Variants in TMEM198 observed in about 807,000 individuals in gnomAD.
The protein encoded by TMEM198 is transmembrane protein 198.
TMEM198 carries 21 observed loss-of-function variants against 31.5 expected under a neutral mutation model. The ratio of observed to expected loss-of-function variants is 0.67; its 90% CI spans 0.47 to 0.96. The LOEUF (loss-of-function observed/expected upper bound fraction) is 0.96, where lower values mean the gene tolerates loss of function less well. TMEM198 is among the 40% of genes least tolerant of loss of function. The pLI is 0.00. For missense variants in TMEM198, 447 were observed against 499.4 expected, an observed-to-expected ratio of 0.89 and a Z score of 1.00; for synonymous variants, 211 against 223.3, an observed-to-expected ratio of 0.95 and a Z score of 0.49.
Position 219,544,379 on chromosome 2 carries a change from T to C in TMEM198, c.-40+2T>C. The C allele has an allele frequency of 2.0e-6, 1 of 500,194 alleles. No homozygotes were observed. The highest frequency in any genetic ancestry group is 3.9e-6 in the Non-Finnish European group (1 of 254,060). 31.0% of individuals were successfully genotyped at this position (500,194 alleles called of 1,614,324 possible). A position where few individuals can be genotyped will look rare whatever the true frequency, so the allele number is the denominator to read the frequency against. Reference sequence around the variant, plus strand: ...AAGCTCAGGTCGCCTCCAGCCCAGGTAAATCTTGGACAATCCCATATTGAG... The same window carrying C: ...AAGCTCAGGTCGCCTCCAGCCCAGGCAAATCTTGGACAATCCCATATTGAG... On this transcript the variant is annotated splice_donor_variant, in intron 1 of 4. Transcript: ENST00000373883. LOFTEE classifies it low-confidence loss of function (5UTR_SPLICE).
At chr2:219,546,809 C>T (rs1209461934) in intron 2 of TMEM198, among the ~76,000 whole-genome samples, 3 of 136,364 alleles carry the variant, frequency 2.2e-5, no homozygotes, top group Non-Finnish European at 3.0e-5. Context: ...ACAAGAGTCT[C>T]GCTCTGTCAC....
Position 219,549,153 on chromosome 2 carries a change from G to A in TMEM198, c.744G>A (p.Val248=). 6.2e-7 allele frequency: 1 copy of A among 1,613,832 alleles called. No homozygotes were observed. The part of the protein sequence containing the change: ...VTAEGDSHTE[V]VISRQRRRVQ... ...CCTTCTCTACCCATCCCACCACAGT[G>A]GTCATCAGCCGGCAGCGCCGACGCG... The change falls in exon 4 of 5, where the codon GTG becomes GTA. Residue 248 remains valine (V), a splice_region_variant and synonymous_variant. Transcript: ENST00000373883.
At chr2:219,549,045 A>C (rs1375886026) in intron 3 of TMEM198, 107 bp from the exon 4 acceptor site, 5 of 1,277,872 alleles carry the variant, frequency 3.9e-6, no homozygotes, top group Non-Finnish European at 5.6e-6. Flanking sequence ...GGTTATGGAC[A>C]AGAGGAATCT....
upstream of TMEM198, chr2:219,543,812 G>A (rs1195398334): frequency 9.0e-6 from 4 of 445,454 alleles, no homozygotes; most frequent in African/African-American, 6.3e-5. Flanking sequence ...GTCACTGCAA[G>A]GGCCCCGCCC....
upstream of TMEM198, chr2:219,543,871 G>A: frequency 2.7e-6 from 1 of 370,556 alleles, no homozygotes; most frequent in South Asian, 3.0e-5. Context: ...GGAGAAGGGG[G>A]AGGTTAAAGG....
At position 219,544,760 on chromosome 2, in the gene TMEM198, G is replaced by C. The variant is rs746101130; in HGVS notation, c.33G>C (p.Gln11His). 6.2e-7 allele frequency: 1 copy of C among 1,614,124 alleles called. No homozygotes were observed. The highest frequency in any genetic ancestry group is 8.5e-7 in the Non-Finnish European group (1 of 1,180,022). Reference protein sequence around the residue: MPGTVATLRFQLLPPEPDDAF... With the variant: MPGTVATLRFHLLPPEPDDAF... ...GGACTGTGGCAACACTGCGGTTCCA[G>C]CTGCTGCCCCCTGAGCCAGATGATG... Residue 11 changes from glutamine to histidine, a missense_variant, in exon 2 of 5, where the codon CAG (glutamine) becomes CAC (histidine). By Grantham distance (24) the Gln-to-His change is conservative. Transcript: ENST00000373883.
Position 219,549,618 on chromosome 2 carries a change from C to T in TMEM198, c.946-99C>T, listed in dbSNP as rs139911369. The T allele has an allele frequency of 6.6e-4, 1,012 of 1,539,528 alleles. 2 individuals are homozygous for T. Among genetic ancestry groups the T allele is most frequent in the Non-Finnish European group, 8.1e-4 (916 of 1,132,348 alleles). The stretch of plus-strand genomic sequence containing the variant: ...AGGGCTGTGGACTCTGGGTCTATGG[C>T]AGTCTATAGAAGTGTCAGGCTTGTG... On this transcript the variant is annotated intron_variant, in intron 4 of 4. Transcript: ENST00000373883.
chr2:219,547,329 CCT>C (rs1225940923), intron 2 of TMEM198, 175 bp from the exon 3 acceptor site: 12 of 495,760 alleles, frequency 2.4e-5, no homozygotes, highest in East Asian at 1.5e-4. Flanking sequence ...TCTAACCTCC[CCT>C]GACCTCAATG....
Position 219,547,633 on chromosome 2 carries a change from C to A in TMEM198, c.294C>A (p.Ile98=). The part of the protein sequence containing the change: ...TQLSAGASAG[I]ALGIGLLCGL... ...TGAGTGCTGGGGCGAGCGCGGGCAT[C>A]GCTCTGGGCATCGGGCTGCTCTGCG... Residue 98 remains isoleucine, a synonymous_variant, in exon 3 of 5, where the codon ATC becomes ATA. Coordinates refer to ENST00000373883, the MANE Select transcript of TMEM198 (RefSeq NM_001005209.3). 6.6e-7 allele frequency: 1 copy of A among 1,515,750 alleles called. No homozygotes were observed. Among genetic ancestry groups the A allele is most frequent in the Non-Finnish European group, 8.8e-7 (1 of 1,130,744 alleles). The allele number at this position is 1,515,750 out of a possible 1,614,324, so 93.9% of individuals were successfully genotyped here.
In TMEM198 at chr2:219,549,742, G is replaced by C. The variant is rs756204037; in HGVS notation, c.971G>C (p.Arg324Pro). The change falls in exon 5 of 5, where the codon CGG (arginine) becomes CCG (proline). Residue 324 changes from arginine (R) to proline (P), a missense_variant. Transcript: ENST00000373883. The stretch of plus-strand genomic sequence containing the variant: ...AGCTATATCCAGAGCTTCCGAGACC[G>C]GCAGACCGGGAGCTCCCTGAGCTCC... The part of the protein sequence containing the change: ...SPSYIQSFRD[R>P]QTGSSLSSFM... The C allele has an allele frequency of 2.7e-5, 44 of 1,613,678 alleles. No homozygotes were observed. Among genetic ancestry groups the C allele is most frequent in the Non-Finnish European group, 3.7e-5 (44 of 1,179,940 alleles).
intron 3 of TMEM198, 49 bp from the exon 4 acceptor site, chr2:219,549,103 A>G: frequency 6.2e-7 from 1 of 1,606,780 alleles, no homozygotes; most frequent in Non-Finnish European, 8.5e-7. Flanking sequence ...GCTCAAGGGA[A>G]ACAAGGCGCA....
At chr2:219,549,596 G>A in intron 4 of TMEM198, 121 bp from the exon 5 acceptor site, 1 of 1,468,852 alleles carries the variant, frequency 6.8e-7, no homozygotes, top group Non-Finnish European at 9.3e-7. Context: ...GGGTCTCAGG[G>A]CTGTGGACTC....
intron 2 of TMEM198, 128 bp downstream of exon 2, chr2:219,545,021 C>A: frequency 8.3e-7 from 1 of 1,203,604 alleles, no homozygotes; most frequent in African/African-American, 1.5e-5. Context: ...TCATCCCACA[C>A]ATTTATAGAT....
chr2:219,547,188 A>G (rs1012885452), intron 2 of TMEM198: 45 of 251,804 alleles, frequency 1.8e-4, no homozygotes, highest in African/African-American at 9.8e-4. Context: ...TATGATCCCA[A>G]AGACACCAAT....
chr2:219,548,038 G>C lies in TMEM198; in HGVS notation c.699G>C (p.Leu233=), dbSNP rs770324589. 2 of 1,585,494 alleles carry C rather than the reference G, an allele frequency of 1.3e-6. No individual in the cohort carries two copies. The highest frequency in any genetic ancestry group is 4.5e-5 in the East Asian group (2 of 44,364). The change falls in exon 3 of 5, where the codon CTG becomes CTC. Residue 233 remains leucine, a synonymous_variant. Transcript: ENST00000373883. ...LWPLLSLMGV[L]VQWRVTAEGD... is the part of the protein sequence containing the mutation. The stretch of plus-strand genomic sequence containing the variant: ...CCCTGCTCAGCCTGATGGGCGTTCT[G>C]GTGCAGTGGAGGGTGACAGCTGAGG...
intron 1 of TMEM198, 84 bp downstream of exon 1, chr2:219,544,461 A>G: frequency 1.7e-6 from 1 of 577,180 alleles, no homozygotes; most frequent in Non-Finnish European, 3.2e-6. Flanking sequence ...CGCTCCCTTC[A>G]TCCCCCCGAC....
chr2:219,550,073 AC>A lies in TMEM198; in HGVS notation c.*223del. ...GGCTCCTGAGGAACTCGGGGTGTGA[AC>A]CCCATTGGGGTGTGCTCAGGGTTGT... On this transcript the variant is annotated 3_prime_UTR_variant, in exon 5 of 5. Coordinates refer to ENST00000373883, the MANE Select transcript of TMEM198 (RefSeq NM_001005209.3). The A allele has an allele frequency of 1.7e-6, 1 of 591,588 alleles. No homozygotes were observed. 36.6% of individuals were successfully genotyped at this position (591,588 alleles called of 1,614,324 possible). A position where few individuals can be genotyped will look rare whatever the true frequency, so the allele number is the denominator to read the frequency against.
Position 219,549,712 on chromosome 2 carries a change from C to A in TMEM198, c.946-5C>A, listed in dbSNP as rs753533096. On this transcript the variant is annotated splice_region_variant and splice_polypyrimidine_tract_variant and intron_variant, in intron 4 of 4. Transcript: ENST00000373883. ...GGACTCACACCTATGTTTGCTCCCC[C>A]ACAGAGCTATATCCAGAGCTTCCGA... 20 of 1,613,474 alleles carry A rather than the reference C, an allele frequency of 1.2e-5. No homozygotes were observed. In the East Asian group the frequency reaches 2.9e-4, roughly 23 times the overall value.
At chr2:219,543,977 T>G (rs907145), upstream of TMEM198, 346,109 of 350,356 alleles carry the variant, frequency 0.99, 171,105 homozygotes, top group East Asian at 1. Flanking sequence ...GTGCGTCCCA[T>G]GTGACGTCAG....
Sources: gnomAD v4.1 joint callset for allele counts (sites outside exome capture counted in the v4.1 genomes callset) on GRCh38, gnomAD v4.1.1 for gene constraint, MANE v1.5 for transcripts, NCBI Gene and HGNC (gene_info 2026-07-23, HGNC 2026-07-21) for gene names.